The following RYR2 variants were observed in gnomAD, a reference collection of about 807,000 sequenced individuals.
The protein encoded by RYR2 is ryanodine receptor 2.
RYR2 carries 227 observed loss-of-function variants against 601.1 expected under a neutral mutation model. The observed-to-expected ratio is 0.38, with a 90% CI of 0.34 to 0.42. RYR2 has a LOEUF of 0.42. Ranked by LOEUF, RYR2 falls within the 10% of genes least tolerant of loss-of-function variation. The pLI is 1.00. For missense variants in RYR2, 4,646 were observed against 6,156.5 expected, an observed-to-expected ratio of 0.75 and a Z score of 8.21; for synonymous variants, 2,223 against 2,175.1, an observed-to-expected ratio of 1.02 and a Z score of -0.61.
At chr1:237,065,095 T>G (rs2148275410) in intron 1 of RYR2, among the ~76,000 whole-genome samples, 1 of 152,226 alleles carries the variant, frequency 6.6e-6, no homozygotes, top group South Asian at 2.1e-4. Flanking sequence ...TCCAGTCATT[T>G]TTCTCATTGG....
At chr1:237,741,297 C>T (rs1484764582) in intron 79 of RYR2, among the ~76,000 whole-genome samples, 1 of 152,116 alleles carries the variant, frequency 6.6e-6, no homozygotes, top group African/African-American at 2.4e-5. Context: ...TGTTTACCTT[C>T]CCTCCCATCC....
rs115613354 is a variant in RYR2, at chr1:237,713,037, C to A, written c.10323+1200C>A. Among the ~76,000 whole-genome samples, 989 of 152,284 alleles carry A rather than the reference C, an allele frequency of 6.5e-3. 13 individuals are homozygous for A. Among genetic ancestry groups the A allele is most frequent in the African/African-American group, 0.023 (935 of 41,550 alleles). ...CTCAGGCCTGCTCTGTGATCTGTCA[C>A]AAGGGAAGTAGAATGGTATTGCTTG... On this transcript the variant is annotated intron_variant, in intron 71 of 104. Coordinates refer to ENST00000366574, the MANE Select transcript of RYR2 (RefSeq NM_001035.3).
intron 38 of RYR2, among the ~76,000 whole-genome samples, chr1:237,622,103 A>G (rs1025637428): frequency 1.3e-5 from 2 of 152,324 alleles, no homozygotes; most frequent in African/African-American, 4.8e-5. Context: ...TAATTATATC[A>G]AAATAAACGT....
intron 39 of RYR2, among the ~76,000 whole-genome samples, chr1:237,625,125 C>T (rs1222473926): frequency 6.6e-6 from 1 of 151,342 alleles, no homozygotes; most frequent in Non-Finnish European, 1.5e-5. Context: ...ATTCTAGTAT[C>T]CCTACAAATA....
intron 1 of RYR2, among the ~76,000 whole-genome samples, chr1:237,167,183 T>G (rs1387614234): frequency 6.6e-6 from 1 of 152,154 alleles, no homozygotes; most frequent in Non-Finnish European, 1.5e-5. Flanking sequence ...GTTGGCAGCT[T>G]TAGGAGTCTG....
chr1:237,496,401 C>A, intron 19 of RYR2, 110 bp from the exon 20 acceptor site: 1 of 1,455,320 alleles, frequency 6.9e-7, no homozygotes, highest in Non-Finnish European at 9.3e-7. Context: ...GAGCAAGACT[C>A]TGTCTCAATA....
At chr1:237,475,020 T>C (rs1291425189) in intron 17 of RYR2, among the ~76,000 whole-genome samples, 1 of 152,244 alleles carries the variant, frequency 6.6e-6, no homozygotes, top group Admixed American at 6.5e-5. Context: ...AATTACTGGA[T>C]GGACAGATCA....
At chr1:237,511,629 T>A (rs1665909401) in intron 23 of RYR2, 59 bp from the exon 24 acceptor site, 1 of 1,302,940 alleles carries the variant, frequency 7.7e-7, no homozygotes, top group Non-Finnish European at 1.1e-6. Flanking sequence ...ACAGTTGAAT[T>A]CCATTGCTAG....
At chr1:237,257,343 T>G (rs1046869488) in intron 1 of RYR2, among the ~76,000 whole-genome samples, 1 of 152,182 alleles carries the variant, frequency 6.6e-6, no homozygotes, top group Admixed American at 6.6e-5. Flanking sequence ...TTCTTAGCCA[T>G]TGACCGTCGC....
chr1:237,588,256 A>T (rs771970123), intron 29 of RYR2, among the ~76,000 whole-genome samples: 1 of 152,142 alleles, frequency 6.6e-6, no homozygotes, highest in East Asian at 1.9e-4. Context: ...ATGTTGCTGC[A>T]TACAAACTGG....
At position 237,355,949 on chromosome 1, in the gene RYR2, C is replaced by T; in HGVS notation, c.274-16C>T. 6.3e-7 allele frequency: 1 copy of T among 1,595,192 alleles called. No homozygotes were observed. On this transcript the variant is annotated splice_polypyrimidine_tract_variant and intron_variant, in intron 3 of 104. Transcript: ENST00000366574. ...TTTGTTTGTTTGTTATTTATTTTGG[C>T]TTTTTCTTTCCACAGCAAGTTGATG...
intron 73 of RYR2, among the ~76,000 whole-genome samples, chr1:237,720,965 A>C (rs543749946): frequency 4.3e-4 from 65 of 152,362 alleles, no homozygotes; most frequent in African/African-American, 1.6e-3. Flanking sequence ...CCTCCAAATG[A>C]ATAAGACCTG....
chr1:237,517,977 T>G (rs1037393411), intron 24 of RYR2, among the ~76,000 whole-genome samples: 1 of 152,224 alleles, frequency 6.6e-6, no homozygotes, highest in Non-Finnish European at 1.5e-5. Context: ...GTCCTTCTCT[T>G]GTTGTGTTAA....
chr1:237,186,133 C>T (rs1247210261), intron 1 of RYR2, among the ~76,000 whole-genome samples: 1 of 152,102 alleles, frequency 6.6e-6, no homozygotes, highest in East Asian at 1.9e-4. Context: ...CATCCTGATC[C>T]GTGAAGATGG....
At chr1:237,719,090 C>T (rs995700249) in intron 73 of RYR2, among the ~76,000 whole-genome samples, 2 of 152,076 alleles carry the variant, frequency 1.3e-5, no homozygotes, top group Admixed American at 1.3e-4. Context: ...AAAACCCCGC[C>T]TCTACAAAAA....
chr1:237,710,838 C>T (rs1688779102), intron 70 of RYR2, among the ~76,000 whole-genome samples: 2 of 152,052 alleles, frequency 1.3e-5, no homozygotes, highest in South Asian at 2.1e-4. Flanking sequence ...TCCCTAAATA[C>T]ATACATGAAT....
chr1:237,669,591 A>G (rs1173131849), intron 58 of RYR2, among the ~76,000 whole-genome samples: 1 of 149,984 alleles, frequency 6.7e-6, no homozygotes, highest in Non-Finnish European at 1.5e-5. Flanking sequence ...TGCCAGGCAG[A>G]GGGTCTCCTC....
Position 237,832,694 on chromosome 1 carries a change from T to G in RYR2, c.*47T>G. 1 of 1,083,762 alleles carries G rather than the reference T, an allele frequency of 9.2e-7. No individual in the cohort carries two copies. The highest frequency in any genetic ancestry group is 1.4e-6 in the Non-Finnish European group (1 of 714,584). The allele number at this position is 1,083,762 out of a possible 1,614,324, so 67.1% of individuals were successfully genotyped here. ...AAAACCAAAACCCTACCCCTCTCTC[T>G]CCCTCTCTCAATTTCTCTGCTCTCT... is the stretch of plus-strand genomic sequence containing the variant. On this transcript the variant is annotated 3_prime_UTR_variant, in exon 105 of 105. Coordinates refer to ENST00000366574, the MANE Select transcript of RYR2 (RefSeq NM_001035.3).
chr1:237,293,347 C>T (rs1329392595), intron 2 of RYR2, among the ~76,000 whole-genome samples: 8 of 152,168 alleles, frequency 5.3e-5, no homozygotes, highest in African/African-American at 1.9e-4. Context: ...GCTGGGACTA[C>T]AGGCGCGTGC....
Sources: allele counts gnomAD v4.1 joint callset (sites outside exome capture counted in the v4.1 genomes callset), GRCh38; gene constraint gnomAD v4.1.1; transcripts MANE v1.5; gene names NCBI Gene and HGNC (gene_info 2026-07-23, HGNC 2026-07-21).